LRRC9: variants seen among roughly 807,000 people sequenced by gnomAD.
The protein encoded by LRRC9 is leucine rich repeat containing 9, also known as leucine-rich repeat-containing protein 9.
Under a neutral mutation model 63.2 loss-of-function variants are expected in LRRC9, and 122 were observed. That is an observed-to-expected ratio of 1.93 (90% CI 1.67 to 2.24). The LOEUF is 2.24. LRRC9 is among the 30% of genes most tolerant of loss of function. The probability of loss-of-function intolerance (pLI) is 0.00; values close to 1 mark genes in which losing one functional copy is unlikely to be tolerated. For synonymous variants in LRRC9, 366 were observed against 213.1 expected, an observed-to-expected ratio of 1.72 and a Z score of -6.25; for missense variants, 1,071 against 627.7, an observed-to-expected ratio of 1.71 and a Z score of -7.55.
In LRRC9 at chr14:59,964,307, A is replaced by G. The variant is rs1884626262; in HGVS notation, c.1212-2282A>G. Among the ~76,000 whole-genome samples, 1 of 152,206 alleles carries G rather than the reference A, an allele frequency of 6.6e-6. No homozygotes were observed. The highest frequency in any genetic ancestry group is 1.5e-5 in the Non-Finnish European group (1 of 68,026). Reference sequence around the variant, plus strand: ...ATCATAACTTCTGTTCAACTCTTTTAAAGTCAGCTGAACTGTGTACCGCAC... The same window carrying G: ...ATCATAACTTCTGTTCAACTCTTTTGAAGTCAGCTGAACTGTGTACCGCAC... On this transcript the variant is annotated intron_variant, in intron 10 of 31. Transcript: ENST00000445360. This position sits in a 1 kb window ranked among gnomAD's most constrained non-coding sequence, Gnocchi z 4.4.
rs1433389666 is a variant in LRRC9, at chr14:59,942,857, ATGGT to A, written c.727-1730_727-1727del. ...TGTGATTTTTATTTGCATTTCCATG[ATGGT>A]TAGTTAGTGATGTTGAGCATTTTTT... On this transcript the variant is annotated intron_variant, in intron 7 of 31. Coordinates refer to ENST00000445360, the Ensembl canonical transcript of LRRC9. The surrounding 1 kb of genome is among the most constrained non-coding windows in gnomAD (Gnocchi z 5.3). Among the ~76,000 whole-genome samples the A allele has an allele frequency of 1.3e-5, 2 of 151,000 alleles. No individual in the cohort carries two copies. Among genetic ancestry groups the A allele is most frequent in the Non-Finnish European group, 2.9e-5 (2 of 67,862 alleles).
At chr14:60,036,916 TCCC>T (rs1193697455) in intron 29 of LRRC9, among the ~76,000 whole-genome samples, 2 of 151,948 alleles carry the variant, frequency 1.3e-5, no homozygotes, top group African/African-American at 4.8e-5. Context: ...CCCTCCCCAC[TCCC>T]CCAACCCCAC....
rs1409763765 is a variant in LRRC9, at chr14:60,042,112, C to T, written c.3990+10049C>T. Among the ~76,000 whole-genome samples, 1 of 152,184 alleles carries T rather than the reference C, an allele frequency of 6.6e-6. No individual in the cohort carries two copies. The highest frequency in any genetic ancestry group is 2.4e-5 in the African/African-American group (1 of 41,454). On this transcript the variant is annotated intron_variant, in intron 29 of 31. Coordinates refer to ENST00000445360, the Ensembl canonical transcript of LRRC9. The surrounding 1 kb of genome is among the most constrained non-coding windows in gnomAD (Gnocchi z 4.2). The stretch of plus-strand genomic sequence containing the variant: ...TGCTGCTTGATCCTTCCTCTGGAAC[C>T]TTCGTCTCAGAGGGGCACCCAGCTG...
At chr14:60,042,000 T>C (rs1892990352) in intron 29 of LRRC9, among the ~76,000 whole-genome samples, 1 of 152,206 alleles carries the variant, frequency 6.6e-6, no homozygotes, top group African/African-American at 2.4e-5. Flanking sequence ...TCTGTTGGAG[T>C]TTGCTGGAGG....
At chr14:59,928,053 A>G (rs765554378) in intron 2 of LRRC9, 62 bp downstream of exon 2, 22 of 659,712 alleles carry the variant, frequency 3.3e-5, no homozygotes, top group Admixed American at 1.5e-4. Context: ...GAAAGTTTTT[A>G]TGCTCCTTTC....
Position 59,931,059 on chromosome 14 carries a change from G to C in LRRC9, c.408+1G>C. 1 of 365,502 alleles carries C rather than the reference G, an allele frequency of 2.7e-6. No individual in the cohort carries two copies. Among genetic ancestry groups the C allele is most frequent in the Non-Finnish European group, 5.0e-6 (1 of 201,190 alleles). 22.6% of individuals were successfully genotyped at this position (365,502 alleles called of 1,614,324 possible). A position where few individuals can be genotyped will look rare whatever the true frequency, so the allele number is the denominator to read the frequency against. The stretch of plus-strand genomic sequence containing the variant: ...CCACAATACAATTAAAAATATTGAG[G>C]TAAGATAATAATTTCAATTATCTAT... On this transcript the variant is annotated splice_donor_variant, in intron 4 of 31. Coordinates refer to ENST00000445360, the Ensembl canonical transcript of LRRC9. LOFTEE classifies it high-confidence loss of function.
chr14:60,033,364 T>C (rs1385596967), intron 29 of LRRC9, among the ~76,000 whole-genome samples: 1 of 152,180 alleles, frequency 6.6e-6, no homozygotes, highest in East Asian at 1.9e-4. Flanking sequence ...GAAGTACTTA[T>C]AGTAAGTTAC....
Position 59,938,342 on chromosome 14 carries a change from G to A in LRRC9, c.544-48G>A. The stretch of plus-strand genomic sequence containing the variant: ...CTTAGGTGTTCAAATACTGCCTTTA[G>A]AAATGACAGTCACAATTAACTGAAC... On this transcript the variant is annotated intron_variant, in intron 6 of 31. Transcript: ENST00000445360. This position sits in a 1 kb window ranked among gnomAD's most constrained non-coding sequence, Gnocchi z 4.2. 1.6e-6 allele frequency: 1 copy of A among 612,862 alleles called. No individual in the cohort carries two copies. The highest frequency in any genetic ancestry group is 2.9e-6 in the Non-Finnish European group (1 of 341,338). The allele number at this position is 612,862 out of a possible 1,614,324, so 38.0% of individuals were successfully genotyped here.
At chr14:60,009,853 A>C (rs937205312) in intron 23 of LRRC9, among the ~76,000 whole-genome samples, 2 of 152,250 alleles carry the variant, frequency 1.3e-5, no homozygotes, top group African/African-American at 4.8e-5. Context: ...ATGCAAGCCC[A>C]AAATCCAGTG....
At chr14:59,988,372 C>A (rs1044042953) in intron 17 of LRRC9, among the ~76,000 whole-genome samples, 2 of 152,062 alleles carry the variant, frequency 1.3e-5, no homozygotes, top group East Asian at 3.8e-4. Context: ...TGCACGCATG[C>A]GTGTGTATAA....
At chr14:59,963,815 T>A (rs1884577032) in intron 10 of LRRC9, among the ~76,000 whole-genome samples, 1 of 152,218 alleles carries the variant, frequency 6.6e-6, no homozygotes, top group African/African-American at 2.4e-5. Flanking sequence ...GCTTTGAAAC[T>A]GTTGATTTAA....
intron 8 of LRRC9, among the ~76,000 whole-genome samples, chr14:59,957,974 A>T (rs1212795087): frequency 6.6e-6 from 1 of 152,182 alleles, no homozygotes; most frequent in African/African-American, 2.4e-5. Context: ...AATAGCAAAG[A>T]TTGCTGCCTG....
intron 23 of LRRC9, among the ~76,000 whole-genome samples, chr14:60,008,580 T>A (rs1164846304): frequency 1.3e-5 from 2 of 152,186 alleles, no homozygotes; most frequent in Non-Finnish European, 2.9e-5. Flanking sequence ...ATATAGTTGC[T>A]AATATTAATA....
chr14:59,976,065 G>A (rs1247410447), intron 13 of LRRC9, among the ~76,000 whole-genome samples: 1 of 152,236 alleles, frequency 6.6e-6, no homozygotes, highest in Non-Finnish European at 1.5e-5. Flanking sequence ...CCGCACATGC[G>A]AGGGATCTGG....
Position 60,006,618 on chromosome 14 carries a change from G to C in LRRC9, c.3063+1G>C, listed in dbSNP as rs748523662. The C allele has an allele frequency of 1.6e-6, 1 of 635,170 alleles. No individual in the cohort carries two copies. The highest frequency in any genetic ancestry group is 1.8e-5 in the South Asian group (1 of 54,818). 39.3% of individuals were successfully genotyped at this position (635,170 alleles called of 1,614,324 possible). A position where few individuals can be genotyped will look rare whatever the true frequency, so the allele number is the denominator to read the frequency against. On this transcript the variant is annotated splice_donor_variant, in intron 22 of 31. Transcript: ENST00000445360. LOFTEE classifies it high-confidence loss of function. Reference sequence around the variant, plus strand: ...CAATCAGGAGATGCACAATTTAAAGGTAATCATCTGGGTAGTAATTTTTTT... The same window carrying C: ...CAATCAGGAGATGCACAATTTAAAGCTAATCATCTGGGTAGTAATTTTTTT...
chr14:59,987,572 T>C (rs1887622020), intron 17 of LRRC9, among the ~76,000 whole-genome samples: 1 of 151,626 alleles, frequency 6.6e-6, no homozygotes, highest in African/African-American at 2.4e-5. Context: ...GGGATTTGCT[T>C]ACTTAAGATA....
intron 8 of LRRC9, among the ~76,000 whole-genome samples, chr14:59,952,547 A>G (rs1370470904): frequency 2.6e-5 from 4 of 152,204 alleles, no homozygotes; most frequent in African/African-American, 9.6e-5. Flanking sequence ...ACAGCTGGAT[A>G]TATCTATTAT....
At chr14:59,969,781 C>T (rs1885272209) in intron 12 of LRRC9, among the ~76,000 whole-genome samples, 1 of 152,124 alleles carries the variant, frequency 6.6e-6, no homozygotes, top group African/African-American at 2.4e-5. Flanking sequence ...TCATTCCCTA[C>T]CGAATATTGT....
intron 28 of LRRC9, among the ~76,000 whole-genome samples, chr14:60,029,970 A>G (rs1250585661): frequency 1.3e-5 from 2 of 152,072 alleles, no homozygotes; most frequent in Admixed American, 6.6e-5. Context: ...ATGAACTCAG[A>G]GGAATAGGAA....
Sources: gnomAD v4.1 joint callset for allele counts (sites outside exome capture counted in the v4.1 genomes callset) on GRCh38, gnomAD v4.1.1 for gene constraint, Gnocchi (gnomAD v3.1) non-coding constraint, MANE v1.5 for transcripts, NCBI Gene and HGNC (gene_info 2026-07-23, HGNC 2026-07-21) for gene names.